Variants in NRG3 observed in about 807,000 individuals in gnomAD.
The protein encoded by NRG3 is neuregulin 3, also known as pro-neuregulin-3, membrane-bound isoform.
A neutral mutation model predicts 66.9 loss-of-function variants in NRG3; 31 were observed. The observed-to-expected ratio is 0.46, with a 90% confidence interval of 0.35 to 0.63. The LOEUF (loss-of-function observed/expected upper bound fraction) is 0.63, where lower values mean the gene tolerates loss of function less well. Among genes scored for constraint, NRG3 ranks in the 20% least tolerant of loss-of-function variants. The pLI is 0.00. For synonymous variants in NRG3, 393 were observed against 359.4 expected, an observed-to-expected ratio of 1.09 and a Z score of -1.06; for missense variants, 910 against 878.9, an observed-to-expected ratio of 1.04 and a Z score of -0.45.
intron 3 of NRG3, among the ~76,000 whole-genome samples, chr10:82,758,174 C>T (rs1416980205): frequency 1.3e-5 from 2 of 152,052 alleles, no homozygotes; most frequent in African/African-American, 4.8e-5. Context: ...TGAGGTTGAC[C>T]TTTATGCTCC....
chr10:82,900,698 C>T (rs1844135454), intron 4 of NRG3, among the ~76,000 whole-genome samples: 3 of 152,052 alleles, frequency 2.0e-5, no homozygotes, highest in Admixed American at 2.0e-4. Context: ...CCCCATTTTA[C>T]AAATGAAGAA....
chr10:82,706,536 T>C (rs1318339180), intron 2 of NRG3, among the ~76,000 whole-genome samples: 3 of 152,230 alleles, frequency 2.0e-5, no homozygotes, highest in East Asian at 1.9e-4. Context: ...CAAGTACTTG[T>C]ATATTTTTTT....
rs112703786 is a variant in NRG3 at position 82,943,550 on chromosome 10, A to G, written c.1055-7919A>G. 8.1e-3 allele frequency among the ~76,000 whole-genome samples: 1,236 copies of G among 152,374 alleles called. 21 individuals are homozygous for G. Among genetic ancestry groups the G allele is most frequent in the African/African-American group, 0.029 (1,195 of 41,592 alleles). ...GAACCTGGAATTTTTGTCCAAGAAC[A>G]GGAAAGGAGGAGTATATCTCAGTTC... On this transcript the variant is annotated intron_variant, in intron 4 of 8. Transcript: ENST00000372141.
chr10:82,761,657 G>GA (rs2059307462), intron 3 of NRG3, among the ~76,000 whole-genome samples: 1 of 151,612 alleles, frequency 6.6e-6, no homozygotes, highest in Non-Finnish European at 1.5e-5. Context: ...CAATGCATTT[G>GA]AAAAAATAAA....
chr10:82,021,147 C>T (rs746268734), intron 1 of NRG3, among the ~76,000 whole-genome samples: 14 of 151,948 alleles, frequency 9.2e-5, no homozygotes, highest in Non-Finnish European at 1.9e-4. Flanking sequence ...TGAGATATCC[C>T]TTATATTTAC....
At chr10:82,480,597 T>G (rs2132141686) in intron 2 of NRG3, among the ~76,000 whole-genome samples, 1 of 152,344 alleles carries the variant, frequency 6.6e-6, no homozygotes, top group Admixed American at 6.5e-5. Context: ...TCATTTACAT[T>G]ACATATTGGC....
intron 2 of NRG3, among the ~76,000 whole-genome samples, chr10:82,522,227 A>T (rs1029609304): frequency 2.0e-5 from 3 of 151,796 alleles, no homozygotes; most frequent in Admixed American, 6.6e-5. Flanking sequence ...TATTTTTAGT[A>T]GAGAAGGGGA....
intron 2 of NRG3, among the ~76,000 whole-genome samples, chr10:82,673,983 G>A (rs2053487112): frequency 6.6e-6 from 1 of 152,042 alleles, no homozygotes; most frequent in Non-Finnish European, 1.5e-5. Flanking sequence ...GAGAATGATT[G>A]AATTAGTCCA....
At chr10:82,484,559 C>T (rs944622911) in intron 2 of NRG3, among the ~76,000 whole-genome samples, 2 of 152,188 alleles carry the variant, frequency 1.3e-5, no homozygotes, top group African/African-American at 4.8e-5. Flanking sequence ...CTGTTTGTCC[C>T]TTACATAAGC....
At chr10:82,020,710 A>G (rs1016619094) in intron 1 of NRG3, among the ~76,000 whole-genome samples, 2 of 152,152 alleles carry the variant, frequency 1.3e-5, no homozygotes, top group Non-Finnish European at 1.5e-5. Flanking sequence ...TGTACTGTGC[A>G]GTGCCATTCA....
intron 1 of NRG3, among the ~76,000 whole-genome samples, chr10:81,905,060 C>G (rs996399): frequency 6.6e-6 from 1 of 152,208 alleles, no homozygotes; most frequent in African/African-American, 2.4e-5. Flanking sequence ...CTCCTCCTCC[C>G]GGCTTCATAT....
chr10:81,940,390 A>G (rs962702584), intron 1 of NRG3, among the ~76,000 whole-genome samples: 1 of 152,004 alleles, frequency 6.6e-6, no homozygotes, highest in African/African-American at 2.4e-5. Context: ...TCTATTTCCC[A>G]GGCTGGGGTA....
intron 2 of NRG3, among the ~76,000 whole-genome samples, chr10:82,374,825 A>G (rs1261484854): frequency 1.3e-5 from 2 of 152,268 alleles, no homozygotes; most frequent in East Asian, 3.9e-4. Flanking sequence ...CAGCCCAGCA[A>G]TTATGCCAGA....
chr10:82,048,965 C>T (rs977461869), intron 1 of NRG3, among the ~76,000 whole-genome samples: 8 of 152,094 alleles, frequency 5.3e-5, no homozygotes, highest in African/African-American at 1.9e-4. Context: ...GAGAATACTA[C>T]AAACAACTAC....
chr10:82,360,268 T>A lies in NRG3; in HGVS notation c.953+1400T>A, dbSNP rs372888198. On this transcript the variant is annotated intron_variant, in intron 2 of 8. Coordinates refer to ENST00000372141, the MANE Select transcript of NRG3 (RefSeq NM_001010848.4). ...TGGATACAAAGCACACAAGTGACATTAAGACCTTAAGGGAAAATCCAGGAA... is the reference window on the plus strand; with the variant it reads ...TGGATACAAAGCACACAAGTGACATAAAGACCTTAAGGGAAAATCCAGGAA... Among the ~76,000 whole-genome samples the A allele has an allele frequency of 2.6e-5, 4 of 152,308 alleles. No individual in the cohort carries two copies. In the East Asian group the frequency reaches 7.7e-4, roughly 29 times the overall value.
chr10:82,526,591 T>G (rs900818727), intron 2 of NRG3, among the ~76,000 whole-genome samples: 1 of 151,982 alleles, frequency 6.6e-6, no homozygotes, highest in Non-Finnish European at 1.5e-5. Flanking sequence ...AAGAAAGGTG[T>G]AGCTATAAAT....
intron 2 of NRG3, among the ~76,000 whole-genome samples, chr10:82,381,120 G>A (rs76391093): frequency 0.014 from 2,065 of 152,154 alleles, 41 homozygotes; most frequent in African/African-American, 0.048. Flanking sequence ...CAAGGGAACC[G>A]TCATCAAAAA....
intron 4 of NRG3, among the ~76,000 whole-genome samples, chr10:82,865,664 A>G (rs757268565): frequency 1.6e-4 from 24 of 152,184 alleles, no homozygotes; most frequent in Non-Finnish European, 2.8e-4. Context: ...CTGGAATCAT[A>G]CAGAAGTTGT....
intron 1 of NRG3, among the ~76,000 whole-genome samples, chr10:82,027,572 T>C (rs1223326834): frequency 6.6e-6 from 1 of 152,168 alleles, no homozygotes; most frequent in African/African-American, 2.4e-5. Context: ...AACTATTAGC[T>C]ACAAAGCACA....
Sources: gnomAD v4.1 joint callset for allele counts (sites outside exome capture counted in the v4.1 genomes callset) on GRCh38, gnomAD v4.1.1 for gene constraint, MANE v1.5 for transcripts, NCBI Gene and HGNC (gene_info 2026-07-23, HGNC 2026-07-21) for gene names.